The following CR2 variants were observed in gnomAD, a reference collection of about 807,000 sequenced individuals.
The protein encoded by CR2 is complement C3d receptor 2.
CR2 carries 96 observed loss-of-function variants against 123.0 expected under a neutral mutation model. The observed-to-expected ratio is 0.78, with a 90% confidence interval of 0.66 to 0.93. The LOEUF (loss-of-function observed/expected upper bound fraction) is 0.93. Among genes scored for constraint, CR2 ranks in the 40% least tolerant of loss-of-function variants. CR2 has a pLI of 0.00. For synonymous variants in CR2, 484 were observed against 469.5 expected, an observed-to-expected ratio of 1.03 and a Z score of -0.40; for missense variants, 1,258 against 1,361.0, an observed-to-expected ratio of 0.92 and a Z score of 1.19.
At chr1:207,459,278 T>G (rs1307647430) in intron 1 of CR2, among the ~76,000 whole-genome samples, 1 of 151,900 alleles carries the variant, frequency 6.6e-6, no homozygotes. Context: ...ATGAGAACCC[T>G]ATTTTCATGG....
In CR2 at chr1:207,469,223, G is replaced by C; in HGVS notation, c.808G>C (p.Val270Leu). Reference sequence around the variant, plus strand: ...GGGAGTTGCTTGGACCAAAATGCCAGTATGTGAAGGTAGGCTAGGCAACTA... The same window carrying C: ...GGGAGTTGCTTGGACCAAAATGCCACTATGTGAAGGTAGGCTAGGCAACTA... ...GQGVAWTKMP[V>L]CEEIFCPSPP... The change falls in exon 5 of 20, where the codon GTA becomes CTA. Residue 270 changes from valine to leucine, a missense_variant. Physicochemically the swap from Val to Leu is conservative, Grantham distance 32. Coordinates refer to ENST00000367057, the MANE Select transcript of CR2 (RefSeq NM_001006658.3). 1 of 1,613,496 alleles carries C rather than the reference G, an allele frequency of 6.2e-7. No homozygotes were observed. Among genetic ancestry groups the C allele is most frequent in the South Asian group, 1.1e-5 (1 of 91,074 alleles).
intron 18 of CR2, among the ~76,000 whole-genome samples, chr1:207,480,794 TTTAA>T (rs1425307403): frequency 3.9e-5 from 6 of 152,176 alleles, no homozygotes; most frequent in African/African-American, 1.4e-4. Context: ...CCACTTTGTG[TTTAA>T]TTAATACCTT....
rs368084192 is a variant in CR2 at position 207,489,800 on chromosome 1, G to A, written c.*677G>A. ...AATTCAGGCTTTGGATGTTTCTTTA[G>A]CAGTTTTGTGATAAGTTCTAGTTGC... On this transcript the variant is annotated 3_prime_UTR_variant, in exon 20 of 20. Coordinates refer to ENST00000367057, the MANE Select transcript of CR2 (RefSeq NM_001006658.3). 1.3e-5 allele frequency: 2 copies of A among 152,068 alleles called. No individual in the cohort carries two copies. Among genetic ancestry groups the A allele is most frequent in the East Asian group, 3.8e-4 (2 of 5,200 alleles). The allele number at this position is 152,068 out of a possible 1,614,324, so 9.4% of individuals were successfully genotyped here.
At chr1:207,484,427 A>G (rs945362127) in intron 18 of CR2, among the ~76,000 whole-genome samples, 3 of 152,242 alleles carry the variant, frequency 2.0e-5, no homozygotes, top group Non-Finnish European at 2.9e-5. Flanking sequence ...ATGAGTAATC[A>G]TTTAAAAATG....
At position 207,468,669 on chromosome 1, in the gene CR2, C is replaced by T. The variant is rs1658174392; in HGVS notation, c.588C>T (p.Asn196=). ...TGCTTGTTGGAGAAAAGATCATTAA[C>T]TGTTTGTCTTCGGGAAAATGGAGTG... ...GYLLVGEKII[N]CLSSGKWSAV... The change falls in exon 3 of 20, where the codon AAC becomes AAT. Residue 196 remains asparagine (N), a synonymous_variant. Transcript: ENST00000367057. 2.5e-6 allele frequency: 4 copies of T among 1,614,114 alleles called. No individual in the cohort carries two copies. The highest frequency in any genetic ancestry group is 3.4e-6 in the Non-Finnish European group (4 of 1,179,972).
At chr1:207,485,641 C>A in intron 19 of CR2, 69 bp downstream of exon 19, 1 of 894,566 alleles carries the variant, frequency 1.1e-6, no homozygotes, top group Non-Finnish European at 1.8e-6. Context: ...TATCAATAAG[C>A]GTAGCATTCA....
chr1:207,477,278 A>G (rs1033490087), intron 15 of CR2, among the ~76,000 whole-genome samples: 4 of 152,212 alleles, frequency 2.6e-5, no homozygotes, highest in African/African-American at 9.7e-5. Flanking sequence ...GAGCGTGTGC[A>G]GGAGAACTGT....
At position 207,476,353 on chromosome 1, in the gene CR2, G is replaced by A. The variant is rs147451324; in HGVS notation, c.2836G>A (p.Val946Met). The A allele has an allele frequency of 2.1e-4, 331 of 1,614,010 alleles. No homozygotes were observed. In the African/African-American group the frequency reaches 4.0e-3, roughly 20 times the overall value. Residue 946 changes from valine to methionine, a missense_variant, in exon 15 of 20, where the codon GTG becomes ATG. Physicochemically the swap from Val to Met is conservative, Grantham distance 21. Transcript: ENST00000367057. ...CAGCTGTGACCAAGGCTACCTGCTG[G>A]TGGGAGAGGCACTCCTTCTTTGCAC... ...LYSCDQGYLL[V>M]GEALLLCTHE...
chr1:207,458,401 T>C (rs1266585530), intron 1 of CR2, among the ~76,000 whole-genome samples: 1 of 152,156 alleles, frequency 6.6e-6, no homozygotes, highest in East Asian at 1.9e-4. Context: ...ATTCTCCTGC[T>C]TGAACTCTCC....
At chr1:207,463,911 T>G (rs1318417396) in intron 1 of CR2, among the ~76,000 whole-genome samples, 1 of 152,176 alleles carries the variant, frequency 6.6e-6, no homozygotes, top group Non-Finnish European at 1.5e-5. Flanking sequence ...CACACCAAAG[T>G]GAGTAGCCAG....
At chr1:207,482,604 A>G (rs1407565545) in intron 18 of CR2, among the ~76,000 whole-genome samples, 1 of 152,212 alleles carries the variant, frequency 6.6e-6, no homozygotes, top group Non-Finnish European at 1.5e-5. Flanking sequence ...AGGAGGTCAC[A>G]GCCTGGTAAA....
At chr1:207,462,738 T>G (rs1657997377) in intron 1 of CR2, among the ~76,000 whole-genome samples, 1 of 152,086 alleles carries the variant, frequency 6.6e-6, no homozygotes, top group African/African-American at 2.4e-5. Flanking sequence ...AGTAATTGAA[T>G]GAAGAGAAGA....
chr1:207,468,310 A>G, intron 2 of CR2: 1 of 579,176 alleles, frequency 1.7e-6, no homozygotes, highest in East Asian at 3.0e-5. Context: ...GCCCAACAGA[A>G]ATTCATAAAC....
intron 4 of CR2, 101 bp downstream of exon 4, chr1:207,469,000 G>A: frequency 7.0e-7 from 1 of 1,418,908 alleles, no homozygotes; most frequent in South Asian, 1.2e-5. Context: ...GGATCTCTGG[G>A]CAGTCTGGGG....
intron 1 of CR2, 33 bp from the exon 2 acceptor site, chr1:207,466,493 G>C: frequency 6.2e-7 from 1 of 1,613,072 alleles, no homozygotes; most frequent in African/African-American, 1.3e-5. Context: ...ACCATGATCA[G>C]TATGCCTACC....
At chr1:207,488,937 A>C (rs1161396275) in intron 19 of CR2, among the ~76,000 whole-genome samples, 1 of 152,222 alleles carries the variant, frequency 6.6e-6, no homozygotes, top group Non-Finnish European at 1.5e-5. Context: ...TGTTTATATG[A>C]ATGTATATAA....
At chr1:207,479,925 C>A in intron 17 of CR2, 53 bp from the exon 18 acceptor site, 3 of 1,342,564 alleles carry the variant, frequency 2.2e-6, no homozygotes, top group Non-Finnish European at 3.2e-6. Flanking sequence ...TCAGTCAGAA[C>A]AATGTAGGTG....
intron 9 of CR2, chr1:207,472,030 A>AC: frequency 5.4e-6 from 1 of 184,828 alleles, no homozygotes; most frequent in South Asian, 1.1e-4. Flanking sequence ...GCGGCAGATC[A>AC]CAAGGTCAGG....
At chr1:207,462,539 G>T (rs1657992512) in intron 1 of CR2, among the ~76,000 whole-genome samples, 1 of 152,162 alleles carries the variant, frequency 6.6e-6, no homozygotes, top group African/African-American at 2.4e-5. Flanking sequence ...TTTTAAATGT[G>T]CAGAGTGGCA....
Sources: allele counts gnomAD v4.1 joint callset (sites outside exome capture counted in the v4.1 genomes callset), GRCh38; gene constraint gnomAD v4.1.1; transcripts MANE v1.5; gene names NCBI Gene and HGNC (gene_info 2026-07-23, HGNC 2026-07-21).